Variants in ATXN1 observed in about 807,000 individuals in gnomAD.
The protein encoded by ATXN1 is ataxin 1, also known as ataxin-1.
ATXN1 carries 8 observed loss-of-function variants against 56.4 expected under a neutral mutation model. That is an observed-to-expected ratio of 0.14 (90% CI 0.08 to 0.26). The LOEUF is 0.26. Among genes scored for constraint, ATXN1 ranks in the 10% least tolerant of loss-of-function variants. ATXN1 has a pLI of 1.00. For missense variants in ATXN1, 987 were observed against 1,106.5 expected (o/e 0.89, Z 1.53); for synonymous variants, 514 against 494.6 (o/e 1.04, Z -0.52).
intron 6 of ATXN1, among the ~76,000 whole-genome samples, chr6:16,343,516 A>G (rs1335097183): frequency 6.6e-6 from 1 of 152,106 alleles, no homozygotes; most frequent in Non-Finnish European, 1.5e-5. Context: ...GGCATCCTTT[A>G]AGCCCTTAAA....
chr6:16,398,548 A>G (rs1303294449), intron 6 of ATXN1, among the ~76,000 whole-genome samples: 1 of 152,240 alleles, frequency 6.6e-6, no homozygotes, highest in Non-Finnish European at 1.5e-5. Context: ...ACGTATATAT[A>G]TGAACATGTG....
At chr6:16,560,184 G>C (rs575640632) in intron 4 of ATXN1, among the ~76,000 whole-genome samples, 1 of 152,246 alleles carries the variant, frequency 6.6e-6, no homozygotes, top group Non-Finnish European at 1.5e-5. Flanking sequence ...TCATCAGTTA[G>C]GGTTAGAACG....
chr6:16,678,737 A>G (rs1758736888), intron 2 of ATXN1, among the ~76,000 whole-genome samples: 1 of 152,238 alleles, frequency 6.6e-6, no homozygotes, highest in South Asian at 2.1e-4. Context: ...GGAAAGAGAA[A>G]AAGAAAGGAG....
At chr6:16,590,457 C>A (rs1461886467) in intron 3 of ATXN1, among the ~76,000 whole-genome samples, 2 of 151,994 alleles carry the variant, frequency 1.3e-5, no homozygotes. Flanking sequence ...TGCATATTGG[C>A]CAAATTTAAA....
intron 6 of ATXN1, among the ~76,000 whole-genome samples, chr6:16,479,190 A>T (rs1408506583): frequency 1.3e-5 from 2 of 152,182 alleles, no homozygotes; most frequent in Non-Finnish European, 2.9e-5. Context: ...AAGTTGTTTC[A>T]GGAATATAAG....
chr6:16,452,947 A>G lies in ATXN1; in HGVS notation c.-161+33025T>C, dbSNP rs564021907. ...ACTAGATTTTTTAAAAGGTTTAGGA[A>G]TTGTTTACCTCCTTTAAGCATTATT... On this transcript the variant is annotated intron_variant, in intron 6 of 7. Transcript: ENST00000436367. 1.4e-4 allele frequency among the ~76,000 whole-genome samples: 21 copies of G among 152,330 alleles called. No homozygotes were observed. In the South Asian group the frequency reaches 3.7e-3, roughly 27 times the overall value.
rs1405590158 is a variant in ATXN1 at position 16,760,313 on chromosome 6, T to C, written c.-730+985A>G. Among the ~76,000 whole-genome samples, 2 of 151,656 alleles carry C rather than the reference T, an allele frequency of 1.3e-5. No individual in the cohort carries two copies. Among genetic ancestry groups the C allele is most frequent in the Non-Finnish European group, 2.9e-5 (2 of 67,836 alleles). On this transcript the variant is annotated intron_variant, in intron 1 of 7. Coordinates refer to ENST00000436367, the MANE Select transcript of ATXN1 (RefSeq NM_001128164.2). The surrounding 1 kb of genome is among the most constrained non-coding windows in gnomAD (Gnocchi z 5.3). ...TCCCAGCAGCCGCGCAGCCGTTCAC[T>C]CCCGGCTCAGGGCAGCGCCTGCCGC...
intron 4 of ATXN1, among the ~76,000 whole-genome samples, chr6:16,575,158 T>C (rs1581855094): frequency 6.6e-6 from 1 of 152,200 alleles, no homozygotes; most frequent in Non-Finnish European, 1.5e-5. Flanking sequence ...CCGTAAACTT[T>C]TATTTTTCTC....
chr6:16,701,386 G>A (rs1432620699), intron 2 of ATXN1, among the ~76,000 whole-genome samples: 9 of 152,166 alleles, frequency 5.9e-5, no homozygotes, highest in African/African-American at 1.7e-4. Context: ...GGCAGAGAAG[G>A]GGAGAAGGAG....
intron 5 of ATXN1, among the ~76,000 whole-genome samples, chr6:16,511,711 A>G (rs948448053): frequency 3.3e-5 from 5 of 152,194 alleles, no homozygotes; most frequent in Non-Finnish European, 5.9e-5. Context: ...AAACTTCCAA[A>G]AACTTCTCCA....
chr6:16,717,486 T>A (rs996181007), intron 2 of ATXN1, among the ~76,000 whole-genome samples: 2 of 152,252 alleles, frequency 1.3e-5, no homozygotes, highest in African/African-American at 4.8e-5. Flanking sequence ...AGAGAGCATG[T>A]GCACTGTGAC....
At chr6:16,743,206 T>A (rs1225800837) in intron 2 of ATXN1, among the ~76,000 whole-genome samples, 1 of 152,278 alleles carries the variant, frequency 6.6e-6, no homozygotes, top group Non-Finnish European at 1.5e-5. Context: ...GTGTTTTGTG[T>A]GGTTATAAGT....
intron 5 of ATXN1, among the ~76,000 whole-genome samples, chr6:16,507,882 TA>T (rs1761009927): frequency 6.6e-6 from 1 of 152,348 alleles, no homozygotes; most frequent in Admixed American, 6.5e-5. Flanking sequence ...AAAAGCATTT[TA>T]AAGATTACTT....
chr6:16,717,294 T>C (rs934676707), intron 2 of ATXN1, among the ~76,000 whole-genome samples: 2 of 152,214 alleles, frequency 1.3e-5, no homozygotes, highest in Non-Finnish European at 2.9e-5. Context: ...GAGATGACTG[T>C]AGGGAGTAGC....
At chr6:16,405,272 A>G (rs761417665) in intron 6 of ATXN1, among the ~76,000 whole-genome samples, 1 of 152,232 alleles carries the variant, frequency 6.6e-6, no homozygotes, top group African/African-American at 2.4e-5. Flanking sequence ...CAGCGCATCT[A>G]TATCACACCA....
At chr6:16,379,542 T>C (rs1762209396) in intron 6 of ATXN1, among the ~76,000 whole-genome samples, 1 of 152,348 alleles carries the variant, frequency 6.6e-6, no homozygotes, top group African/African-American at 2.4e-5. Flanking sequence ...CATGACACTC[T>C]AGAACAGTGC....
In ATXN1 at chr6:16,335,398, A is replaced by G. The variant is rs139477850; in HGVS notation, c.-160-6928T>C. 2.2e-3 allele frequency among the ~76,000 whole-genome samples: 339 copies of G among 152,296 alleles called. 2 individuals are homozygous for G. The highest frequency in any genetic ancestry group is 7.8e-3 in the African/African-American group (324 of 41,554). ...GATGCTGTCTGAGAGCCTCGCCCCA[A>G]CGCGCTCGGGTTTCCCTTCTCGGCT... is the stretch of plus-strand genomic sequence containing the variant. On this transcript the variant is annotated intron_variant, in intron 6 of 7. Transcript: ENST00000436367.
intron 3 of ATXN1, among the ~76,000 whole-genome samples, chr6:16,607,127 GC>G (rs1763025124): frequency 6.6e-6 from 1 of 152,032 alleles, no homozygotes; most frequent in Non-Finnish European, 1.5e-5. Context: ...ACCCGCCTTG[GC>G]CTCCCAAAGT....
chr6:16,571,921 C>T (rs1201769812), intron 4 of ATXN1, among the ~76,000 whole-genome samples: 1 of 152,164 alleles, frequency 6.6e-6, no homozygotes, highest in Admixed American at 6.5e-5. Flanking sequence ...CCTCAGCCCC[C>T]CAAAGTGCTG....
Sources: allele counts gnomAD v4.1 joint callset (sites outside exome capture counted in the v4.1 genomes callset), GRCh38; gene constraint gnomAD v4.1.1; non-coding constraint Gnocchi (gnomAD v3.1); transcripts MANE v1.5; gene names NCBI Gene and HGNC (gene_info 2026-07-23, HGNC 2026-07-21).